SPOCK1: variants seen among roughly 807,000 people sequenced by gnomAD.
SPOCK1 encodes testican-1.
SPOCK1 carries 23 observed loss-of-function variants against 55.3 expected under a neutral mutation model. The ratio of observed to expected loss-of-function variants is 0.42; its 90% CI spans 0.30 to 0.59. The LOEUF (loss-of-function observed/expected upper bound fraction) is 0.59. Ranked by LOEUF, SPOCK1 falls within the 20% of genes least tolerant of loss-of-function variation. SPOCK1 has a pLI of 0.22. For missense variants in SPOCK1, 499 were observed against 552.5 expected (o/e 0.90, Z 0.97); for synonymous variants, 226 against 221.0 (o/e 1.02, Z -0.20).
chr5:137,083,214 C>G (rs1233653651), intron 5 of SPOCK1, among the ~76,000 whole-genome samples: 1 of 152,140 alleles, frequency 6.6e-6, no homozygotes, highest in Non-Finnish European at 1.5e-5. Context: ...TATCAATTAT[C>G]TCCTTTCCTT....
rs187989569 is a variant in SPOCK1, at chr5:137,319,169, G to A, written c.187-52114C>T. On this transcript the variant is annotated intron_variant, in intron 2 of 10. Transcript: ENST00000394945. ...TATGGAGCCTGTTTGAGACATCACA[G>A]AAACTACCCAGCTGAATTTTAAGCT... is the stretch of plus-strand genomic sequence containing the variant. Among the ~76,000 whole-genome samples, 569 of 152,324 alleles carry A rather than the reference G, an allele frequency of 3.7e-3. 10 individuals are homozygous for A. The highest frequency in any genetic ancestry group is 0.014 in the Middle Eastern group (4 of 294).
intron 3 of SPOCK1, among the ~76,000 whole-genome samples, chr5:137,202,374 G>A (rs954067571): frequency 2.0e-5 from 3 of 152,152 alleles, no homozygotes; most frequent in African/African-American, 4.8e-5. Flanking sequence ...TTCTTGTGTT[G>A]GAAATAGAAA....
intron 6 of SPOCK1, among the ~76,000 whole-genome samples, chr5:137,001,095 C>T (rs1020318581): frequency 6.6e-5 from 10 of 152,302 alleles, no homozygotes; most frequent in East Asian, 3.9e-4. Flanking sequence ...GCTGAGACTA[C>T]GGACAGGTTA....
Position 137,493,765 on chromosome 5 carries a change from A to G in SPOCK1, c.186+4608T>C, listed in dbSNP as rs116443952. Among the ~76,000 whole-genome samples, 1,222 of 152,300 alleles carry G rather than the reference A, an allele frequency of 8.0e-3. 13 individuals carry two copies. Among genetic ancestry groups the G allele is most frequent in the African/African-American group, 0.028 (1,146 of 41,564 alleles). On this transcript the variant is annotated intron_variant, in intron 2 of 10. Transcript: ENST00000394945. ...CTCGATTACGGGCTGAGTTTCCGTG[A>G]TGACAGATTAATGACTGATCCACTA... is the stretch of plus-strand genomic sequence containing the variant.
intron 3 of SPOCK1, among the ~76,000 whole-genome samples, chr5:137,174,763 A>G (rs1356867859): frequency 1.3e-5 from 2 of 152,228 alleles, no homozygotes; most frequent in Non-Finnish European, 2.9e-5. Context: ...AAGAAACACT[A>G]TTATGGTTTG....
chr5:137,310,394 T>A (rs545707988), intron 2 of SPOCK1, among the ~76,000 whole-genome samples: 1 of 152,200 alleles, frequency 6.6e-6, no homozygotes, highest in Non-Finnish European at 1.5e-5. Context: ...GCTAGTGTCA[T>A]CCTCATTTAA....
intron 3 of SPOCK1, among the ~76,000 whole-genome samples, chr5:137,163,902 T>C (rs1754603781): frequency 1.3e-5 from 2 of 152,208 alleles, no homozygotes; most frequent in South Asian, 4.1e-4. Context: ...TAATTATATA[T>C]ATTGCTCATA....
At chr5:137,226,885 G>C (rs1755957138) in intron 3 of SPOCK1, among the ~76,000 whole-genome samples, 2 of 152,184 alleles carry the variant, frequency 1.3e-5, no homozygotes, top group Admixed American at 6.5e-5. Context: ...TAAGCTTTGT[G>C]AGGCCAAGAT....
At chr5:137,483,070 C>T (rs771880205) in intron 2 of SPOCK1, among the ~76,000 whole-genome samples, 5 of 152,216 alleles carry the variant, frequency 3.3e-5, no homozygotes, top group Non-Finnish European at 5.9e-5. Context: ...TGGTGGCTCA[C>T]GCCTGTAATC....
At chr5:137,352,566 T>C (rs922176484) in intron 2 of SPOCK1, among the ~76,000 whole-genome samples, 5 of 151,900 alleles carry the variant, frequency 3.3e-5, no homozygotes, top group African/African-American at 1.2e-4. Flanking sequence ...GCTAGTAGAG[T>C]GCCTGGCACA....
intron 2 of SPOCK1, among the ~76,000 whole-genome samples, chr5:137,337,600 G>C (rs909731638): frequency 2.6e-5 from 4 of 152,176 alleles, no homozygotes; most frequent in African/African-American, 9.7e-5. Flanking sequence ...CAGAGAGGCA[G>C]CATCAGCTTC....
intron 3 of SPOCK1, among the ~76,000 whole-genome samples, chr5:137,261,264 G>A (rs910999105): frequency 6.6e-6 from 1 of 152,120 alleles, no homozygotes; most frequent in African/African-American, 2.4e-5. Flanking sequence ...TCTAGAGAAG[G>A]AAAACTCCCC....
chr5:137,082,919 G>C (rs1561602887), intron 5 of SPOCK1, among the ~76,000 whole-genome samples: 1 of 152,178 alleles, frequency 6.6e-6, no homozygotes, highest in Non-Finnish European at 1.5e-5. Flanking sequence ...TCCGAATCCT[G>C]TGTTAATCAG....
intron 3 of SPOCK1, among the ~76,000 whole-genome samples, chr5:137,235,578 C>G (rs1241847998): frequency 6.6e-6 from 1 of 152,132 alleles, no homozygotes; most frequent in Non-Finnish European, 1.5e-5. Context: ...GGTATGTATA[C>G]AAGTGAAATG....
intron 3 of SPOCK1, among the ~76,000 whole-genome samples, chr5:137,202,690 AG>A (rs1387380298): frequency 2.6e-5 from 4 of 152,224 alleles, no homozygotes; most frequent in African/African-American, 9.6e-5. Flanking sequence ...CCTTCACTTG[AG>A]GAACTCTGAT....
At chr5:137,057,400 T>C (rs895555042) in intron 6 of SPOCK1, among the ~76,000 whole-genome samples, 3 of 152,238 alleles carry the variant, frequency 2.0e-5, no homozygotes, top group African/African-American at 7.2e-5. Flanking sequence ...TCTATCACTA[T>C]ACATTCAACC....
chr5:137,393,258 C>G (rs1467528987), intron 2 of SPOCK1, among the ~76,000 whole-genome samples: 3 of 152,168 alleles, frequency 2.0e-5, no homozygotes, highest in Non-Finnish European at 2.9e-5. Context: ...TTGAGCCCAT[C>G]CATGTGACTT....
chr5:137,012,237 G>A (rs1423998532), intron 6 of SPOCK1, among the ~76,000 whole-genome samples: 1 of 152,122 alleles, frequency 6.6e-6, no homozygotes, highest in East Asian at 1.9e-4. Context: ...CTAATAAGTG[G>A]CAGAACTGGG....
intron 2 of SPOCK1, among the ~76,000 whole-genome samples, chr5:137,286,289 C>G (rs1171350134): frequency 6.6e-6 from 1 of 152,198 alleles, no homozygotes; most frequent in Non-Finnish European, 1.5e-5. Flanking sequence ...TGGCAACTCT[C>G]TTCTCAGAAA....
Sources: gnomAD v4.1 joint callset for allele counts (sites outside exome capture counted in the v4.1 genomes callset) on GRCh38, gnomAD v4.1.1 for gene constraint, MANE v1.5 for transcripts, NCBI Gene and HGNC (gene_info 2026-07-23, HGNC 2026-07-21) for gene names.